Variants in MAP2K2 observed in about 807,000 individuals in gnomAD.
MAP2K2 encodes the protein mitogen-activated protein kinase kinase 2, also known as dual specificity mitogen-activated protein kinase kinase 2.
Under a neutral mutation model 43.7 loss-of-function variants are expected in MAP2K2, and 24 were observed. That is an observed-to-expected ratio of 0.55 (90% CI 0.40 to 0.77). The LOEUF is 0.77. MAP2K2 is among the 30% of genes least tolerant of loss of function. The pLI, the probability that MAP2K2 is intolerant of heterozygous loss-of-function variation, is 0.00. For synonymous variants in MAP2K2, 244 were observed against 239.7 expected, an observed-to-expected ratio of 1.02 and a Z score of -0.17; for missense variants, 470 against 566.8, an observed-to-expected ratio of 0.83 and a Z score of 1.73.
At chr19:4,108,955 G>A (rs1303388147) in intron 3 of MAP2K2, among the ~76,000 whole-genome samples, 2 of 152,194 alleles carry the variant, frequency 1.3e-5, no homozygotes, top group African/African-American at 2.4e-5. Flanking sequence ...GTGACTCTGC[G>A]AGCAGCGGGG....
chr19:4,110,981 C>T (rs534556080), intron 2 of MAP2K2, among the ~76,000 whole-genome samples: 3 of 152,284 alleles, frequency 2.0e-5, no homozygotes, highest in Admixed American at 6.5e-5. Context: ...GCCAAGACCC[C>T]GGCCACAGCG....
chr19:4,093,457 G>A (rs1391582489), intron 10 of MAP2K2, among the ~76,000 whole-genome samples: 1 of 152,066 alleles, frequency 6.6e-6, no homozygotes, highest in Non-Finnish European at 1.5e-5. Flanking sequence ...TTGGGAGGCT[G>A]AGGCAGGTGG....
At chr19:4,108,353 G>A (rs1357812182) in intron 3 of MAP2K2, among the ~76,000 whole-genome samples, 2 of 151,824 alleles carry the variant, frequency 1.3e-5, no homozygotes, top group Non-Finnish European at 2.9e-5. Flanking sequence ...CCATTCCCCT[G>A]CCTCAGCCTC....
intron 1 of MAP2K2, among the ~76,000 whole-genome samples, chr19:4,121,037 G>A (rs1253612481): frequency 1.3e-5 from 2 of 152,020 alleles, no homozygotes; most frequent in African/African-American, 2.4e-5. Flanking sequence ...ACGGCACCCG[G>A]ACCCCAGCCA....
chr19:4,095,588 C>G (rs2145043897), intron 8 of MAP2K2, 139 bp from the exon 9 acceptor site: 1 of 639,844 alleles, frequency 1.6e-6, no homozygotes, highest in African/African-American at 1.8e-5. Context: ...CTGGGCTGCA[C>G]CCTGTCAGAG....
chr19:4,097,485 T>C (rs1160902662), intron 7 of MAP2K2, 142 bp from the exon 8 acceptor site: 5 of 677,742 alleles, frequency 7.4e-6, no homozygotes, highest in Middle Eastern at 3.5e-4. Context: ...GCAGAGGCAC[T>C]GGACAAAGCT....
At chr19:4,107,216 T>C (rs1182664268) in intron 3 of MAP2K2, among the ~76,000 whole-genome samples, 2 of 151,016 alleles carry the variant, frequency 1.3e-5, no homozygotes, top group African/African-American at 4.9e-5. Context: ...GGAAACATAG[T>C]GCCATCCCAT....
In MAP2K2 at chr19:4,101,231, C is replaced by T. The variant is rs530342723; in HGVS notation, c.578G>A (p.Arg193Gln). ...GGGGAGGGCGGGCTGGGCCTTACCT[C>T]GGTGCATGATCTGGTGCTTCTCTCG... is the stretch of plus-strand genomic sequence containing the variant. ...YLREKHQIMH[R>Q]DVKPSNILVN... The change falls in exon 5 of 11, where the codon CGA becomes CAA. Residue 193 changes from arginine (R) to glutamine (Q), a missense_variant and splice_region_variant. By Grantham distance (43) the Arg-to-Gln change is conservative. Around this residue, in one of 3 missense-constraint regions of MAP2K2, gnomAD observed 200 missense variants for 297.9 expected, o/e 0.67. Transcript: ENST00000262948. The surrounding 1 kb of genome is among the most constrained non-coding windows in gnomAD (Gnocchi z 6.3). The T allele has an allele frequency of 1.1e-5, 18 of 1,589,898 alleles. No individual in the cohort carries two copies. The highest frequency in any genetic ancestry group is 1.5e-5 in the Non-Finnish European group (17 of 1,169,016).
At chr19:4,094,428 C>T in intron 10 of MAP2K2, 25 bp downstream of exon 10, 1 of 1,553,896 alleles carries the variant, frequency 6.4e-7, no homozygotes, top group East Asian at 2.4e-5. Flanking sequence ...CCCTCCCGGT[C>T]CCAGAACCCG....
intron 2 of MAP2K2, among the ~76,000 whole-genome samples, chr19:4,114,135 A>T (rs1017922243): frequency 6.6e-6 from 1 of 152,178 alleles, no homozygotes; most frequent in African/African-American, 2.4e-5. Context: ...AAGAGATTTT[A>T]AAAATTAACA....
intron 3 of MAP2K2, among the ~76,000 whole-genome samples, chr19:4,108,979 T>G (rs756308501): frequency 1.2e-4 from 19 of 152,294 alleles, no homozygotes; most frequent in Middle Eastern, 3.4e-3. Context: ...ACGCCAGGTC[T>G]CCCTCGCAGG....
chr19:4,118,405 C>A (rs2041254574), intron 1 of MAP2K2, among the ~76,000 whole-genome samples: 1 of 152,096 alleles, frequency 6.6e-6, no homozygotes, highest in African/African-American at 2.4e-5. Flanking sequence ...GAGTAGAGGG[C>A]AGAAGGCTCA....
At chr19:4,098,717 T>C (rs1287622883) in intron 7 of MAP2K2, among the ~76,000 whole-genome samples, 1 of 152,176 alleles carries the variant, frequency 6.6e-6, no homozygotes, top group African/African-American at 2.4e-5. Context: ...TCCCGGGCTG[T>C]GTCCCCTCCT....
chr19:4,094,637 G>T, intron 9 of MAP2K2, 139 bp from the exon 10 acceptor site: 1 of 805,846 alleles, frequency 1.2e-6, no homozygotes, highest in Non-Finnish European at 2.1e-6. Context: ...GTGGCACAGA[G>T]TGGCTGCTCT....
chr19:4,113,110 G>A (rs2041176718), intron 2 of MAP2K2, among the ~76,000 whole-genome samples: 2 of 152,184 alleles, frequency 1.3e-5, no homozygotes, highest in Admixed American at 1.3e-4. Flanking sequence ...AAGCAGGAAA[G>A]AGCGCGCGTT....
chr19:4,098,141 G>A (rs769648690), intron 7 of MAP2K2, among the ~76,000 whole-genome samples: 14 of 151,866 alleles, frequency 9.2e-5, no homozygotes, highest in Non-Finnish European at 1.8e-4. Flanking sequence ...GCTCTGACAC[G>A]CACCATGGCG....
At chr19:4,105,155 CGTGTGTGTGTGTGTGT>C (rs61710801) in intron 3 of MAP2K2, among the ~76,000 whole-genome samples, 293 of 137,744 alleles carry the variant, frequency 2.1e-3, no homozygotes, top group Middle Eastern at 7.1e-3. Flanking sequence ...ACACGTCTAC[CGTGTGTGTGTGTGTGT>C]GTGTGTGTGT....
chr19:4,116,078 C>T (rs904801683), intron 2 of MAP2K2, among the ~76,000 whole-genome samples: 1 of 152,150 alleles, frequency 6.6e-6, no homozygotes, highest in Admixed American at 6.5e-5. Context: ...TGTGTCTCCT[C>T]GGTGAGACCA....
At chr19:4,095,538 G>C in intron 8 of MAP2K2, 89 bp from the exon 9 acceptor site, 1 of 1,118,154 alleles carries the variant, frequency 8.9e-7, no homozygotes, top group Non-Finnish European at 1.3e-6. Context: ...TGTCCTGTCC[G>C]GTCACCCACC....
Sources: allele counts gnomAD v4.1 joint callset (sites outside exome capture counted in the v4.1 genomes callset), GRCh38; gene constraint gnomAD v4.1.1; regional missense constraint gnomAD v4.1.1; non-coding constraint Gnocchi (gnomAD v3.1); transcripts MANE v1.5; gene names NCBI Gene and HGNC (gene_info 2026-07-23, HGNC 2026-07-21).